ACVR2A: variants seen among roughly 807,000 people sequenced by gnomAD.
The protein encoded by ACVR2A is activin A receptor type 2A, also known as activin receptor type-2A.
A neutral mutation model predicts 61.4 loss-of-function variants in ACVR2A; 7 were observed. That is an observed-to-expected ratio of 0.11 (90% CI 0.06 to 0.21). The LOEUF is 0.21. ACVR2A is among the 10% of genes least tolerant of loss of function. ACVR2A has a pLI of 1.00. For missense variants in ACVR2A, 322 were observed against 621.7 expected, an observed-to-expected ratio of 0.52 and a Z score of 5.13; for synonymous variants, 193 against 208.3, an observed-to-expected ratio of 0.93 and a Z score of 0.63.
chr2:147,902,668 G>A (rs1686898622), intron 4 of ACVR2A, among the ~76,000 whole-genome samples: 1 of 151,886 alleles, frequency 6.6e-6, no homozygotes, highest in South Asian at 2.1e-4. Flanking sequence ...TTAGAATAGG[G>A]TTTATAAACA....
chr2:147,845,292 A>G lies in ACVR2A; in HGVS notation c.55+85A>G. 12 of 1,254,862 alleles carry G rather than the reference A, an allele frequency of 9.6e-6. No individual in the cohort carries two copies. In the South Asian group the frequency reaches 1.5e-4, roughly 15 times the overall value. The allele number at this position is 1,254,862 out of a possible 1,614,324, so 77.7% of individuals were successfully genotyped here. A position where few individuals can be genotyped will look rare whatever the true frequency, so the allele number is the denominator to read the frequency against. On this transcript the variant is annotated intron_variant, in intron 1 of 10. Coordinates refer to ENST00000241416, the MANE Select transcript of ACVR2A (RefSeq NM_001616.5). ...GGGGCCGCGGCTGGTGTTGAGTCGG[A>G]GAGTCCAGTGGAGCCTGGGGAGGTT...
chr2:147,917,310 G>A lies in ACVR2A; in HGVS notation c.700G>A (p.Glu234Lys), dbSNP rs1381913043. Residue 234 changes from glutamate (E) to lysine (K), a missense_variant, in exon 6 of 11, where the codon GAA becomes AAA. This residue lies in a region of ACVR2A where 146 missense variants were observed against 383.8 expected (regional missense o/e 0.38). Coordinates refer to ENST00000241416, the MANE Select transcript of ACVR2A (RefSeq NM_001616.5). ...CAAACAGTCATGGCAAAATGAATAC[G>A]AAGTCTACAGTTTGCCTGGAATGAA... The part of the protein sequence containing the change: ...QDKQSWQNEY[E>K]VYSLPGMKHE... 9 of 1,611,662 alleles carry A rather than the reference G, an allele frequency of 5.6e-6. No individual in the cohort carries two copies. The highest frequency in any genetic ancestry group is 2.2e-5 in the East Asian group (1 of 44,748).
At chr2:147,855,172 G>A (rs1375156436) in intron 1 of ACVR2A, among the ~76,000 whole-genome samples, 8 of 152,248 alleles carry the variant, frequency 5.3e-5, no homozygotes, top group Non-Finnish European at 7.4e-5. Flanking sequence ...GAGCCACCGC[G>A]CCTGGCCTAT....
chr2:147,873,253 G>A lies in ACVR2A; in HGVS notation c.56-23048G>A, dbSNP rs376935416. Reference sequence around the variant, plus strand: ...GAAATGCAATGCCAGCAGCAAACATGAGCCAAAAAATGAAATTTCAGATTT... The same window carrying A: ...GAAATGCAATGCCAGCAGCAAACATAAGCCAAAAAATGAAATTTCAGATTT... On this transcript the variant is annotated intron_variant, in intron 1 of 10. Coordinates refer to ENST00000241416, the MANE Select transcript of ACVR2A (RefSeq NM_001616.5). Among the ~76,000 whole-genome samples, 6 of 151,954 alleles carry A rather than the reference G, an allele frequency of 3.9e-5. 1 individual carries two copies. In the East Asian group the frequency reaches 1.2e-3, roughly 29 times the overall value.
At chr2:147,848,487 A>G (rs879508839) in intron 1 of ACVR2A, among the ~76,000 whole-genome samples, 1 of 152,170 alleles carries the variant, frequency 6.6e-6, no homozygotes, top group Non-Finnish European at 1.5e-5. Context: ...CCTAAAATAC[A>G]TGGTACAGCC....
intron 1 of ACVR2A, among the ~76,000 whole-genome samples, chr2:147,858,220 CT>C (rs2105140962): frequency 1.3e-5 from 2 of 152,238 alleles, no homozygotes; most frequent in South Asian, 4.1e-4. Flanking sequence ...ACCTTTAAAA[CT>C]TTGAAATGCT....
At chr2:147,905,667 C>G (rs2105201378) in intron 4 of ACVR2A, among the ~76,000 whole-genome samples, 1 of 151,930 alleles carries the variant, frequency 6.6e-6, no homozygotes, top group Admixed American at 6.6e-5. Flanking sequence ...TATTGGTAAC[C>G]TAAATTACAA....
At chr2:147,877,279 G>T (rs1209117078) in intron 1 of ACVR2A, 1 of 152,076 alleles carries the variant, frequency 6.6e-6, no homozygotes, top group East Asian at 1.9e-4. Flanking sequence ...AATTATTATG[G>T]TTCTGTGGAT....
At chr2:147,880,377 A>AT (rs1267210988) in intron 1 of ACVR2A, among the ~76,000 whole-genome samples, 2 of 151,932 alleles carry the variant, frequency 1.3e-5, no homozygotes, top group African/African-American at 2.4e-5. Context: ...TACTTCAATC[A>AT]TTTTTTTATA....
intron 1 of ACVR2A, among the ~76,000 whole-genome samples, chr2:147,874,175 G>A (rs1475227859): frequency 1.3e-5 from 2 of 151,836 alleles, no homozygotes; most frequent in African/African-American, 4.8e-5. Flanking sequence ...GTATATAAGT[G>A]GTTAAGAGCT....
chr2:147,868,215 A>G (rs529764920), intron 1 of ACVR2A, among the ~76,000 whole-genome samples: 3 of 152,324 alleles, frequency 2.0e-5, no homozygotes, highest in African/African-American at 7.2e-5. Context: ...TGGAAGAATG[A>G]TAGGATGTCA....
intron 6 of ACVR2A, 110 bp downstream of exon 6, chr2:147,917,536 T>C (rs980794548): frequency 7.4e-5 from 83 of 1,127,298 alleles, no homozygotes; most frequent in Non-Finnish European, 1.2e-5. Context: ...AGTTGATTAA[T>C]ATTTAACCTG....
chr2:147,864,734 C>A (rs1332008129), intron 1 of ACVR2A, among the ~76,000 whole-genome samples: 1 of 152,042 alleles, frequency 6.6e-6, no homozygotes, highest in Non-Finnish European at 1.5e-5. Flanking sequence ...CAAATATAGC[C>A]ATAATCCGTT....
chr2:147,870,086 G>A (rs1685971036), intron 1 of ACVR2A, among the ~76,000 whole-genome samples: 1 of 143,518 alleles, frequency 7.0e-6, no homozygotes, highest in African/African-American at 2.5e-5. Context: ...GAGGAGGGGG[G>A]ATGTGAGGTA....
At chr2:147,890,369 T>TGTGTGTGTG (rs1686552792) in intron 1 of ACVR2A, among the ~76,000 whole-genome samples, 1 of 151,638 alleles carries the variant, frequency 6.6e-6, no homozygotes, top group Non-Finnish European at 1.5e-5. Context: ...TGTGTGTGTG[T>TGTGTGTGTG]ATACACACAT....
chr2:147,899,577 CA>C lies in ACVR2A; in HGVS notation c.373+11del. The C allele has an allele frequency of 6.2e-7, 1 of 1,607,980 alleles. No individual in the cohort carries two copies. Among genetic ancestry groups the C allele is most frequent in the Non-Finnish European group, 8.5e-7 (1 of 1,175,574 alleles). Reference sequence around the variant, plus strand: ...ATGGAAGTCACACAGCGTAAGTTCACAGGGAAAATACGTAGGTTTGCTCAAC... The same window carrying C: ...ATGGAAGTCACACAGCGTAAGTTCACGGGAAAATACGTAGGTTTGCTCAAC... On this transcript the variant is annotated intron_variant, in intron 3 of 10. Transcript: ENST00000241416.
rs1290971174 is a variant in ACVR2A at position 147,928,911 on chromosome 2, G to A, written c.*1637G>A. The stretch of plus-strand genomic sequence containing the variant: ...TCTGTCAGGTCATTTTAAAATCCAT[G>A]TTAATTTTATAAAAGAATTTTTTAC... On this transcript the variant is annotated 3_prime_UTR_variant, in exon 11 of 11. Transcript: ENST00000241416. 6.6e-6 allele frequency: 1 copy of A among 152,394 alleles called. No individual in the cohort carries two copies. Among genetic ancestry groups the A allele is most frequent in the Admixed American group, 6.6e-5 (1 of 15,218 alleles). 9.4% of individuals were successfully genotyped at this position (152,394 alleles called of 1,614,324 possible).
At chr2:147,895,608 G>A (rs988494454) in intron 1 of ACVR2A, among the ~76,000 whole-genome samples, 36 of 152,090 alleles carry the variant, frequency 2.4e-4, no homozygotes, top group African/African-American at 6.3e-4. Flanking sequence ...GAGGTCTGCC[G>A]TTGTGGTTGC....
chr2:147,919,140 G>A (rs970716475), intron 7 of ACVR2A, among the ~76,000 whole-genome samples: 8 of 152,084 alleles, frequency 5.3e-5, no homozygotes, highest in Admixed American at 2.6e-4. Flanking sequence ...TTTCTTGAAC[G>A]TGGGATTCAA....
Sources: gnomAD v4.1 joint callset for allele counts (sites outside exome capture counted in the v4.1 genomes callset) on GRCh38, gnomAD v4.1.1 for gene constraint, gnomAD v4.1.1 regional missense constraint, MANE v1.5 for transcripts, NCBI Gene and HGNC (gene_info 2026-07-23, HGNC 2026-07-21) for gene names.